The following LPP variants were observed in gnomAD, a reference collection of about 807,000 sequenced individuals.
The protein encoded by LPP is lipoma-preferred partner.
A neutral mutation model predicts 60.4 loss-of-function variants in LPP; 38 were observed. That is an observed-to-expected ratio of 0.63 (90% CI 0.49 to 0.83). The LOEUF is 0.83. LPP is among the 40% of genes least tolerant of loss of function. The pLI is 0.00. For synonymous variants in LPP, 328 were observed against 290.8 expected, an observed-to-expected ratio of 1.13 and a Z score of -1.30; for missense variants, 902 against 783.6, an observed-to-expected ratio of 1.15 and a Z score of -1.80.
chr3:188,250,487 A>T (rs946883061), intron 2 of LPP, among the ~76,000 whole-genome samples: 1 of 152,186 alleles, frequency 6.6e-6, no homozygotes, highest in Non-Finnish European at 1.5e-5. Context: ...TTTCCTTTGC[A>T]ATTATTAAGC....
intron 2 of LPP, among the ~76,000 whole-genome samples, chr3:188,324,220 C>A (rs1405876238): frequency 3.3e-5 from 5 of 152,104 alleles, no homozygotes; most frequent in Non-Finnish European, 5.9e-5. Flanking sequence ...TCCACCAGCA[C>A]CATCTTCTTT....
chr3:188,748,244 T>TAC (rs763637947), intron 8 of LPP, among the ~76,000 whole-genome samples: 10 of 152,036 alleles, frequency 6.6e-5, no homozygotes, highest in South Asian at 2.1e-4. Context: ...CACATGTATA[T>TAC]ACACACACAC....
At chr3:188,332,350 C>T (rs564610980) in intron 2 of LPP, among the ~76,000 whole-genome samples, 4 of 152,198 alleles carry the variant, frequency 2.6e-5, no homozygotes, top group Non-Finnish European at 4.4e-5. Flanking sequence ...TCGCTAAATG[C>T]TTCACTTGAT....
At chr3:188,873,733 C>A (rs1299935089) in intron 11 of LPP, among the ~76,000 whole-genome samples, 1 of 152,102 alleles carries the variant, frequency 6.6e-6, no homozygotes, top group Non-Finnish European at 1.5e-5. Flanking sequence ...GAGGCCTGTC[C>A]CCTGGACTAG....
At chr3:188,759,974 G>A (rs1731623559) in intron 8 of LPP, 139 bp from the exon 9 acceptor site, 1 of 670,208 alleles carries the variant, frequency 1.5e-6, no homozygotes, top group Non-Finnish European at 2.6e-6. Flanking sequence ...GGGTAATGGG[G>A]TAATAGTACT....
intron 2 of LPP, among the ~76,000 whole-genome samples, chr3:188,309,327 T>G (rs1276500828): frequency 6.6e-6 from 1 of 152,144 alleles, no homozygotes; most frequent in Non-Finnish European, 1.5e-5. Context: ...GTCCGGAGCC[T>G]GCGTTTCTTC....
intron 6 of LPP, among the ~76,000 whole-genome samples, chr3:188,527,688 A>T (rs1158368155): frequency 6.6e-6 from 1 of 152,000 alleles, no homozygotes; most frequent in East Asian, 1.9e-4. Context: ...TGAAGACAGG[A>T]AGGCCACTGA....
At chr3:188,788,734 G>T (rs147721930) in intron 9 of LPP, among the ~76,000 whole-genome samples, 256 of 152,244 alleles carry the variant, frequency 1.7e-3, no homozygotes, top group Non-Finnish European at 3.2e-3. Context: ...TAGCAGTGGG[G>T]TAAATGATCA....
chr3:188,176,377 T>C (rs1211984450), intron 1 of LPP, among the ~76,000 whole-genome samples: 1 of 152,042 alleles, frequency 6.6e-6, no homozygotes, highest in Non-Finnish European at 1.5e-5. Flanking sequence ...GGCCTGGAAA[T>C]AGAAAAGATT....
At chr3:188,255,495 G>A (rs976210067) in intron 2 of LPP, among the ~76,000 whole-genome samples, 1 of 151,976 alleles carries the variant, frequency 6.6e-6, no homozygotes, top group East Asian at 1.9e-4. Context: ...CCTCAGCTTG[G>A]TCCTATGAAA....
chr3:188,691,940 A>T (rs1862207962), intron 7 of LPP, among the ~76,000 whole-genome samples: 1 of 152,010 alleles, frequency 6.6e-6, no homozygotes, highest in African/African-American at 2.4e-5. Context: ...ATTCCTGGAA[A>T]CTCACAGCTA....
At chr3:188,795,394 C>T (rs1745033424) in intron 9 of LPP, among the ~76,000 whole-genome samples, 1 of 152,200 alleles carries the variant, frequency 6.6e-6, no homozygotes, top group African/African-American at 2.4e-5. Flanking sequence ...GATTCAGAGA[C>T]TCTGTCTTAT....
intron 7 of LPP, among the ~76,000 whole-genome samples, chr3:188,613,869 G>T (rs1844339892): frequency 6.6e-6 from 1 of 151,586 alleles, no homozygotes; most frequent in South Asian, 2.1e-4. Context: ...CTACCACTTT[G>T]AACATTCCAG....
chr3:188,359,127 C>T (rs557310382), intron 3 of LPP, among the ~76,000 whole-genome samples: 2 of 152,332 alleles, frequency 1.3e-5, no homozygotes, highest in South Asian at 2.1e-4. Flanking sequence ...TTTGTGTAAA[C>T]TTTCCAACAA....
chr3:188,158,755 G>A (rs1717286856), intron 1 of LPP, among the ~76,000 whole-genome samples: 1 of 152,146 alleles, frequency 6.6e-6, no homozygotes, highest in Non-Finnish European at 1.5e-5. Flanking sequence ...ACTACCAGGA[G>A]GCATTCAAAC....
At chr3:188,409,757 TA>T (rs1323895536) in intron 4 of LPP, among the ~76,000 whole-genome samples, 2 of 152,186 alleles carry the variant, frequency 1.3e-5, no homozygotes, top group South Asian at 4.1e-4. Context: ...ATTCATTGCT[TA>T]AAAGTTGACC....
At chr3:188,395,285 C>T (rs1218609383) in intron 3 of LPP, among the ~76,000 whole-genome samples, 6 of 152,124 alleles carry the variant, frequency 3.9e-5, no homozygotes, top group East Asian at 3.9e-4. Flanking sequence ...GTGGCATGAT[C>T]GTGGCTCACT....
At chr3:188,466,114 A>T (rs1800309317) in intron 4 of LPP, among the ~76,000 whole-genome samples, 1 of 152,120 alleles carries the variant, frequency 6.6e-6, no homozygotes, top group South Asian at 2.1e-4. Context: ...TGTCATATGG[A>T]AAATCATGGC....
At chr3:188,663,781 A>G (rs6810198) in intron 7 of LPP, among the ~76,000 whole-genome samples, 13,535 of 152,160 alleles carry the variant, frequency 0.089, 1,730 homozygotes, top group African/African-American at 0.28. Flanking sequence ...GGATGGCTTC[A>G]GTATGAAACT....
Sources: allele counts gnomAD v4.1 joint callset (sites outside exome capture counted in the v4.1 genomes callset), GRCh38; gene constraint gnomAD v4.1.1; transcripts MANE v1.5; gene names NCBI Gene and HGNC (gene_info 2026-07-23, HGNC 2026-07-21).